Variants in SH3BGR observed in about 807,000 individuals in gnomAD.
SH3BGR encodes the protein SH3 domain binding glutamate rich protein, also known as SH3 domain-binding glutamic acid-rich protein.
In SH3BGR, 29 loss-of-function variants were observed where a neutral mutation model predicts 24.5. The ratio of observed to expected loss-of-function variants is 1.18; its 90% CI spans 0.88 to 1.61. SH3BGR has a LOEUF of 1.61. Ranked by LOEUF, SH3BGR falls within the 40% of genes most tolerant of loss-of-function variation. SH3BGR has a pLI of 0.00. For missense variants in SH3BGR, 162 were observed against 205.8 expected (o/e 0.79, Z 1.30); for synonymous variants, 55 against 65.7 (o/e 0.84, Z 0.79).
At chr21:39,457,058 A>G (rs2077667233) in intron 1 of SH3BGR, among the ~76,000 whole-genome samples, 1 of 148,712 alleles carries the variant, frequency 6.7e-6, no homozygotes, top group African/African-American at 2.4e-5. Flanking sequence ...AAATTAACAT[A>G]GTAAATATAA....
intron 4 of SH3BGR, 72 bp from the exon 5 acceptor site, chr21:39,508,926 T>C: frequency 3.3e-6 from 4 of 1,214,528 alleles, no homozygotes; most frequent in South Asian, 2.6e-5. Flanking sequence ...TATAGTTTGC[T>C]TGATTTTCAG....
At chr21:39,461,185 G>A (rs1180232906) in intron 1 of SH3BGR, among the ~76,000 whole-genome samples, 1 of 145,512 alleles carries the variant, frequency 6.9e-6, no homozygotes, top group Non-Finnish European at 1.5e-5. Context: ...TGCCCAGGCT[G>A]GAGTGCAGTG....
At position 39,477,800 on chromosome 21, in the gene SH3BGR, G is replaced by A. The variant is rs553677581; in HGVS notation, c.312+2585G>A. 4.6e-5 allele frequency among the ~76,000 whole-genome samples: 7 copies of A among 152,298 alleles called. No homozygotes were observed. In the South Asian group the frequency reaches 1.0e-3, roughly 23 times the overall value. On this transcript the variant is annotated intron_variant, in intron 3 of 6. Transcript: ENST00000333634. ...TGCTATGAGGAGGGAATTTGGTTTT[G>A]ATAAATGTCTGTCTTAAGTGTCTTT...
At chr21:39,481,084 A>T (rs764239736) in intron 3 of SH3BGR, among the ~76,000 whole-genome samples, 6 of 152,204 alleles carry the variant, frequency 3.9e-5, no homozygotes, top group Non-Finnish European at 7.3e-5. Context: ...CCTAATTGTT[A>T]TATTGTATGA....
At chr21:39,462,244 T>C (rs1389164242) in intron 1 of SH3BGR, 131 bp from the exon 2 acceptor site, 3 of 642,444 alleles carry the variant, frequency 4.7e-6, no homozygotes, top group Non-Finnish European at 7.9e-6. Context: ...GTGATTCTAT[T>C]ATTTTCCTTG....
At chr21:39,497,029 T>C (rs537178513) in intron 3 of SH3BGR, among the ~76,000 whole-genome samples, 2 of 152,096 alleles carry the variant, frequency 1.3e-5, no homozygotes, top group African/African-American at 2.4e-5. Context: ...AAAAATACTT[T>C]GTGTAACAAC....
intron 3 of SH3BGR, among the ~76,000 whole-genome samples, chr21:39,492,481 TACACAC>T (rs900456010): frequency 7.4e-5 from 6 of 81,608 alleles, no homozygotes; most frequent in Non-Finnish European, 9.1e-5. Flanking sequence ...TATATATATA[TACACAC>T]ACACACACAC....
chr21:39,481,996 A>T (rs1363351236), intron 3 of SH3BGR, among the ~76,000 whole-genome samples: 1 of 152,054 alleles, frequency 6.6e-6, no homozygotes, highest in Non-Finnish European at 1.5e-5. Flanking sequence ...TAATAAAGAG[A>T]TCTATTGGTC....
chr21:39,473,232 A>G (rs2077970727), intron 2 of SH3BGR, among the ~76,000 whole-genome samples: 1 of 152,240 alleles, frequency 6.6e-6, no homozygotes, highest in African/African-American at 2.4e-5. Context: ...TCACTCAACT[A>G]TAATAAAACC....
intron 4 of SH3BGR, among the ~76,000 whole-genome samples, chr21:39,507,175 T>G (rs1275354866): frequency 6.6e-6 from 1 of 152,210 alleles, no homozygotes; most frequent in Non-Finnish European, 1.5e-5. Context: ...AAAAGTCCTC[T>G]TGGCCTGATT....
intron 6 of SH3BGR, among the ~76,000 whole-genome samples, chr21:39,513,569 C>T (rs532344676): frequency 7.2e-5 from 11 of 152,202 alleles, no homozygotes; most frequent in South Asian, 2.1e-4. Flanking sequence ...TTCTAGCCCA[C>T]GATTTGATGT....
At chr21:39,451,967 C>T (rs572151001), upstream of SH3BGR, 2 of 1,614,172 alleles carry the variant, frequency 1.2e-6, no homozygotes, top group African/African-American at 1.3e-5. Flanking sequence ...ACTGCCGGAG[C>T]CCAGTGGACC....
intron 1 of SH3BGR, 29 bp downstream of exon 1, chr21:39,452,170 A>G (rs773206321): frequency 3.7e-6 from 6 of 1,613,514 alleles, no homozygotes; most frequent in South Asian, 1.1e-5. Context: ...CTTTCTTCCT[A>G]TACTCTTTTC....
At chr21:39,479,155 T>C (rs564651909) in intron 3 of SH3BGR, among the ~76,000 whole-genome samples, 1 of 151,924 alleles carries the variant, frequency 6.6e-6, no homozygotes, top group African/African-American at 2.4e-5. Flanking sequence ...GGATTGCTTG[T>C]GCCTAGGGTT....
chr21:39,447,126 G>A (rs1342076189), upstream of SH3BGR: 1 of 152,122 alleles, frequency 6.6e-6, no homozygotes, highest in Non-Finnish European at 1.5e-5. Context: ...TGGTGGTGGT[G>A]GGCGGGGCAA....
At chr21:39,460,001 A>G (rs1000885416) in intron 1 of SH3BGR, among the ~76,000 whole-genome samples, 4 of 152,236 alleles carry the variant, frequency 2.6e-5, no homozygotes, top group African/African-American at 9.6e-5. Flanking sequence ...GAAGAAAGAA[A>G]ATTGTAATTG....
rs371201084 is a variant in SH3BGR, at chr21:39,509,037, A to G, written c.435+10A>G. The G allele has an allele frequency of 1.2e-6, 2 of 1,605,084 alleles. No individual in the cohort carries two copies. Among genetic ancestry groups the G allele is most frequent in the Admixed American group, 3.4e-5 (2 of 59,336 alleles). The stretch of plus-strand genomic sequence containing the variant: ...GACAGCCACAGAAGAGGTACGGTCG[A>G]CCATCTTTAACAGCTGTGCTTAATC... On this transcript the variant is annotated intron_variant, in intron 5 of 6. Transcript: ENST00000333634.
Position 39,452,018 on chromosome 21 carries a change from G to A in SH3BGR, c.-79G>A, listed in dbSNP as rs753893986. 6.2e-7 allele frequency: 1 copy of A among 1,614,054 alleles called. No individual in the cohort carries two copies. The highest frequency in any genetic ancestry group is 1.3e-5 in the African/African-American group (1 of 74,930). On this transcript the variant is annotated 5_prime_UTR_variant, in exon 1 of 7. In the 5' UTR this introduces an upstream ATG that the reference lacks. Coordinates refer to ENST00000333634, the MANE Select transcript of SH3BGR (RefSeq NM_007341.3). ...GCCCCGACCTGGCACTTGCTTGCCT[G>A]TGTCACTGTCAGGATTTGTCTAGCG...
intron 5 of SH3BGR, among the ~76,000 whole-genome samples, chr21:39,509,297 T>TCAGGC (rs1244100448): frequency 1.3e-5 from 2 of 152,084 alleles, no homozygotes; most frequent in East Asian, 1.9e-4. Flanking sequence ...CTCACTGACA[T>TCAGGC]CAGGCCAGGC....
Sources: allele counts gnomAD v4.1 joint callset (sites outside exome capture counted in the v4.1 genomes callset), GRCh38; gene constraint gnomAD v4.1.1; transcripts MANE v1.5; gene names NCBI Gene and HGNC (gene_info 2026-07-23, HGNC 2026-07-21).